Variants in SLIT2 observed in about 807,000 individuals in gnomAD.
SLIT2 encodes slit homolog 2 protein.
In SLIT2, 41 loss-of-function variants were observed where a neutral mutation model predicts 185.7. That is an observed-to-expected ratio of 0.22 (90% CI 0.17 to 0.29). SLIT2 has a LOEUF of 0.29. SLIT2 is among the 10% of genes least tolerant of loss of function. The pLI, the probability that SLIT2 is intolerant of heterozygous loss-of-function variation, is 1.00. For synonymous variants in SLIT2, 693 were observed against 680.2 expected, an observed-to-expected ratio of 1.02 and a Z score of -0.29; for missense variants, 1,571 against 1,909.0, an observed-to-expected ratio of 0.82 and a Z score of 3.30.
At chr4:20,618,654 A>G (rs1729861711) in intron 36 of SLIT2, 114 bp from the exon 37 acceptor site, 9 of 1,085,482 alleles carry the variant, frequency 8.3e-6, no homozygotes, top group Admixed American at 2.3e-5. Context: ...TAATATGTAA[A>G]GCAAGTTACA....
chr4:20,566,309 T>A (rs1202750371), intron 26 of SLIT2, among the ~76,000 whole-genome samples: 1 of 152,066 alleles, frequency 6.6e-6, no homozygotes, highest in Non-Finnish European at 1.5e-5. Flanking sequence ...AAGAAATGTA[T>A]GTGTTTTATG....
rs773971375 is a variant in SLIT2, at chr4:20,511,043, C to T, written c.987-23C>T. 4.7e-6 allele frequency: 7 copies of T among 1,492,132 alleles called. No individual in the cohort carries two copies. In the East Asian group the frequency reaches 1.4e-4, roughly 29 times the overall value. 92.4% of individuals were successfully genotyped at this position (1,492,132 alleles called of 1,614,324 possible). ...CTCACTGACATTTGATTGAATGTAA[C>T]CTAACCCTATTTCTAATCTTAGTGA... On this transcript the variant is annotated intron_variant, in intron 10 of 36. Transcript: ENST00000504154.
intron 4 of SLIT2, among the ~76,000 whole-genome samples, chr4:20,344,813 A>G (rs1425109785): frequency 6.6e-6 from 1 of 152,166 alleles, no homozygotes; most frequent in African/African-American, 2.4e-5. Flanking sequence ...AGCTTCTGAA[A>G]ATCATTTTCT....
chr4:20,470,275 G>T (rs925917854), intron 5 of SLIT2, among the ~76,000 whole-genome samples: 6 of 152,148 alleles, frequency 3.9e-5, no homozygotes, highest in African/African-American at 1.4e-4. Context: ...ATATTGACTA[G>T]AAATGACTAT....
chr4:20,518,175 T>G (rs928401249), intron 11 of SLIT2, among the ~76,000 whole-genome samples: 1 of 141,894 alleles, frequency 7.0e-6, no homozygotes, highest in Non-Finnish European at 1.5e-5. Context: ...ATACATATAT[T>G]TATATATATA....
At chr4:20,359,250 AAGG>A (rs931417983) in intron 4 of SLIT2, among the ~76,000 whole-genome samples, 4 of 152,070 alleles carry the variant, frequency 2.6e-5, no homozygotes, top group African/African-American at 9.7e-5. Flanking sequence ...CAAGGAGTGA[AAGG>A]AGGAAAGGAA....
At position 20,305,135 on chromosome 4, in the gene SLIT2, T is replaced by C. The variant is rs550940924; in HGVS notation, c.395+36254T>C. On this transcript the variant is annotated intron_variant, in intron 4 of 36. Coordinates refer to ENST00000504154, the MANE Select transcript of SLIT2 (RefSeq NM_004787.4). ...AGCCATGCTCATGATGCTATGCCAT[T>C]TAGCTGCTGCTAAACTGGTAACTCT... 3.9e-5 allele frequency among the ~76,000 whole-genome samples: 6 copies of C among 152,336 alleles called. No individual in the cohort carries two copies. The East Asian group carries it at 7.7e-4, about 20-fold the overall frequency.
At chr4:20,306,341 T>C (rs1185026940) in intron 4 of SLIT2, among the ~76,000 whole-genome samples, 1 of 152,212 alleles carries the variant, frequency 6.6e-6, no homozygotes, top group Non-Finnish European at 1.5e-5. Context: ...GATAGTCACC[T>C]GTGGTCAATA....
chr4:20,593,458 G>A (rs192884349), intron 30 of SLIT2, among the ~76,000 whole-genome samples: 1 of 152,162 alleles, frequency 6.6e-6, no homozygotes, highest in Admixed American at 6.5e-5. Context: ...GTACAAGAGT[G>A]GTTACCAGGA....
intron 4 of SLIT2, among the ~76,000 whole-genome samples, chr4:20,281,946 C>G (rs750358903): frequency 1.4e-4 from 21 of 151,444 alleles, no homozygotes; most frequent in Non-Finnish European, 2.5e-4. Flanking sequence ...AGAATTTTTC[C>G]TTAGTTCTTG....
At chr4:20,533,957 G>A (rs901603429) in intron 18 of SLIT2, among the ~76,000 whole-genome samples, 3 of 120,056 alleles carry the variant, frequency 2.5e-5, no homozygotes, top group South Asian at 5.8e-4. Flanking sequence ...ACACACACAC[G>A]TATTGTGAAT....
At chr4:20,338,209 C>G (rs1454227418) in intron 4 of SLIT2, among the ~76,000 whole-genome samples, 1 of 152,072 alleles carries the variant, frequency 6.6e-6, no homozygotes, top group African/African-American at 2.4e-5. Context: ...ATTTCTCTTC[C>G]CTTGTGTTAG....
In SLIT2 at chr4:20,351,264, G is replaced by A. The variant is rs891901513; in HGVS notation, c.395+82383G>A. Among the ~76,000 whole-genome samples, 3 of 151,976 alleles carry A rather than the reference G, an allele frequency of 2.0e-5. No individual in the cohort carries two copies. The South Asian group carries it at 6.2e-4, about 32-fold the overall frequency. ...GAGTTTTGCCATGTTGGCCAGGCTGGTCTCAAACTCCTGACCTCAGGTGAT... is the reference window on the plus strand; with the variant it reads ...GAGTTTTGCCATGTTGGCCAGGCTGATCTCAAACTCCTGACCTCAGGTGAT... On this transcript the variant is annotated intron_variant, in intron 4 of 36. Transcript: ENST00000504154.
intron 4 of SLIT2, among the ~76,000 whole-genome samples, chr4:20,402,987 ATAG>A (rs1577585946): frequency 6.6e-6 from 1 of 151,820 alleles, no homozygotes; most frequent in East Asian, 1.9e-4. Context: ...TTTCATTATA[ATAG>A]TGCATTTAAT....
At chr4:20,341,017 T>A (rs1720921985) in intron 4 of SLIT2, among the ~76,000 whole-genome samples, 1 of 152,158 alleles carries the variant, frequency 6.6e-6, no homozygotes, top group African/African-American at 2.4e-5. Flanking sequence ...AGATAAGCCT[T>A]ACTAAGAAGG....
Position 20,609,864 on chromosome 4 carries a change from G to T in SLIT2, c.3693-149G>T, listed in dbSNP as rs959066724. On this transcript the variant is annotated intron_variant, in intron 33 of 36. Transcript: ENST00000504154. Reference sequence around the variant, plus strand: ...CATCTCCTTGAAAATGCCTATTTTTGAAAAAAAATTCAACTACTCGTCTTT... The same window carrying T: ...CATCTCCTTGAAAATGCCTATTTTTTAAAAAAAATTCAACTACTCGTCTTT... 9 of 618,106 alleles carry T rather than the reference G, an allele frequency of 1.5e-5. No homozygotes were observed. In the African/African-American group the frequency reaches 1.5e-4, roughly 10 times the overall value. The allele number at this position is 618,106 out of a possible 1,614,324, so 38.3% of individuals were successfully genotyped here.
At chr4:20,518,593 T>A (rs1307636539) in intron 11 of SLIT2, among the ~76,000 whole-genome samples, 161 of 9,056 alleles carry the variant, frequency 0.018, 1 homozygote, top group East Asian at 0.044. Context: ...ATATATTTTT[T>A]TTTTTTTTTT....
intron 4 of SLIT2, among the ~76,000 whole-genome samples, chr4:20,319,640 A>G (rs569164995): frequency 6.6e-6 from 1 of 152,252 alleles, no homozygotes; most frequent in South Asian, 2.1e-4. Context: ...CACATTTTCT[A>G]GAAGAGTACA....
In SLIT2 at chr4:20,585,213, T is replaced by G. The variant is rs188412192; in HGVS notation, c.3089-4431T>G. Among the ~76,000 whole-genome samples the G allele has an allele frequency of 2.3e-3, 348 of 152,356 alleles. 3 individuals carry two copies. The highest frequency in any genetic ancestry group is 8.0e-3 in the African/African-American group (332 of 41,586). ...TTACCAGTTACAGTAGATCATTTAC[T>G]AACCTCTCTTATCCTGAAGAGGTAA... On this transcript the variant is annotated intron_variant, in intron 29 of 36. Transcript: ENST00000504154.
Sources: gnomAD v4.1 joint callset for allele counts (sites outside exome capture counted in the v4.1 genomes callset) on GRCh38, gnomAD v4.1.1 for gene constraint, MANE v1.5 for transcripts, NCBI Gene and HGNC (gene_info 2026-07-23, HGNC 2026-07-21) for gene names.